KIAA1671: variants seen among roughly 807,000 people sequenced by gnomAD.
KIAA1671 encodes uncharacterized protein KIAA1671.
Under a neutral mutation model 131.2 loss-of-function variants are expected in KIAA1671, and 52 were observed. That is an observed-to-expected ratio of 0.40 (90% confidence interval 0.32 to 0.50). The LOEUF (loss-of-function observed/expected upper bound fraction) is 0.50, where lower values mean the gene tolerates loss of function less well. KIAA1671 is among the 20% of genes least tolerant of loss of function. The pLI is 0.73. For missense variants in KIAA1671, 2,360 were observed against 2,364.2 expected, an observed-to-expected ratio of 1.00 and a Z score of 0.04; for synonymous variants, 1,003 against 961.6, an observed-to-expected ratio of 1.04 and a Z score of -0.80.
At chr22:24,972,423 T>G (rs1297121499) in intron 1 of KIAA1671, among the ~76,000 whole-genome samples, 1 of 152,158 alleles carries the variant, frequency 6.6e-6, no homozygotes, top group Non-Finnish European at 1.5e-5. Flanking sequence ...TTTGTATTCA[T>G]CCATCCACCT....
chr22:24,995,379 G>A lies in KIAA1671; in HGVS notation c.-207-30254G>A, dbSNP rs118185005. The stretch of plus-strand genomic sequence containing the variant: ...GGTTTTTTTTTTTTTTCTTGGCAGG[G>A]GCAGGGTCTCACTCTCGCCCAGGCT... On this transcript the variant is annotated intron_variant, in intron 1 of 12. Coordinates refer to ENST00000358431, the MANE Select transcript of KIAA1671 (RefSeq NM_001145206.2). Among the ~76,000 whole-genome samples the A allele has an allele frequency of 2.1e-3, 295 of 138,510 alleles. 3 individuals are homozygous for A. In the East Asian group the frequency reaches 0.056, roughly 26 times the overall value. The allele number at this position is 138,510 out of a possible 152,430, so 90.9% of individuals were successfully genotyped here.
intron 2 of KIAA1671, among the ~76,000 whole-genome samples, chr22:25,027,421 C>T (rs1364725682): frequency 1.3e-5 from 2 of 152,306 alleles, no homozygotes; most frequent in Middle Eastern, 3.4e-3. Flanking sequence ...TGATTAGGAT[C>T]ACCTGGGATG....
intron 1 of KIAA1671, among the ~76,000 whole-genome samples, chr22:24,955,555 G>T (rs1364795070): frequency 6.6e-6 from 1 of 152,210 alleles, no homozygotes; most frequent in Non-Finnish European, 1.5e-5. Context: ...ATGCTTAGTG[G>T]TTTGGACTTT....
At chr22:25,042,733 A>G (rs1602092679) in intron 5 of KIAA1671, among the ~76,000 whole-genome samples, 1 of 151,744 alleles carries the variant, frequency 6.6e-6, no homozygotes, top group South Asian at 2.1e-4. Flanking sequence ...TTGACCTCCC[A>G]AAGTGCTGGG....
chr22:25,166,365 G>A (rs1479607092), intron 6 of KIAA1671, among the ~76,000 whole-genome samples: 2 of 152,150 alleles, frequency 1.3e-5, no homozygotes, highest in African/African-American at 4.8e-5. Flanking sequence ...CACACAGATG[G>A]TTGTATAAAG....
intron 10 of KIAA1671, among the ~76,000 whole-genome samples, chr22:25,182,716 C>T (rs940867273): frequency 6.6e-6 from 1 of 152,198 alleles, no homozygotes; most frequent in Non-Finnish European, 1.5e-5. Flanking sequence ...ATAGCTAAGC[C>T]TTGGTTTGCT....
At chr22:25,188,894 A>G (rs895663478) in intron 11 of KIAA1671, among the ~76,000 whole-genome samples, 2 of 152,176 alleles carry the variant, frequency 1.3e-5, no homozygotes, top group African/African-American at 2.4e-5. Context: ...GGACCCACAC[A>G]GTTCAAACTG....
chr22:24,998,216 C>T (rs962170563), intron 1 of KIAA1671, among the ~76,000 whole-genome samples: 1 of 152,010 alleles, frequency 6.6e-6, no homozygotes, highest in Non-Finnish European at 1.5e-5. Context: ...GCCTGAGCAA[C>T]ATGGTGAAAC....
intron 5 of KIAA1671, among the ~76,000 whole-genome samples, chr22:25,044,536 G>T (rs1458329532): frequency 6.6e-6 from 1 of 152,116 alleles, no homozygotes; most frequent in Non-Finnish European, 1.5e-5. Context: ...AGTGCTGGTT[G>T]TCAGGGGATC....
At chr22:25,165,430 G>A (rs1482674113) in intron 6 of KIAA1671, among the ~76,000 whole-genome samples, 2 of 152,106 alleles carry the variant, frequency 1.3e-5, no homozygotes, top group African/African-American at 4.8e-5. Context: ...CTGAGAAACT[G>A]GTAAATGATA....
At chr22:25,019,996 A>G (rs1455095470) in intron 1 of KIAA1671, among the ~76,000 whole-genome samples, 1 of 152,204 alleles carries the variant, frequency 6.6e-6, no homozygotes, top group Non-Finnish European at 1.5e-5. Context: ...GTTTGGTTAG[A>G]TAACACTGCA....
intron 6 of KIAA1671, among the ~76,000 whole-genome samples, chr22:25,162,036 C>T (rs564911879): frequency 3.0e-4 from 45 of 152,314 alleles, no homozygotes; most frequent in African/African-American, 1.1e-3. Flanking sequence ...CCACCCCTTC[C>T]AAACCATGTG....
chr22:25,084,560 TG>T lies in KIAA1671; in HGVS notation c.4530+35197del, dbSNP rs140347978. On this transcript the variant is annotated intron_variant, in intron 6 of 12. Transcript: ENST00000358431. Reference sequence around the variant, plus strand: ...CAGGGTGTGCAGGGCAGGGACCTGTTGAAGAAATGCCTCCAGGCCAGTTATC... The same window carrying T: ...CAGGGTGTGCAGGGCAGGGACCTGTTAAGAAATGCCTCCAGGCCAGTTATC... 2.6e-3 allele frequency among the ~76,000 whole-genome samples: 398 copies of T among 152,188 alleles called. 1 individual carries two copies. The highest frequency in any genetic ancestry group is 8.9e-3 in the African/African-American group (368 of 41,518).
intron 1 of KIAA1671, among the ~76,000 whole-genome samples, chr22:24,962,016 G>A (rs958430712): frequency 6.6e-6 from 1 of 152,198 alleles, no homozygotes; most frequent in Non-Finnish European, 1.5e-5. Context: ...CTTCTCTGGC[G>A]AGCTGCTGGG....
rs570934281 is a variant in KIAA1671, at chr22:25,194,573, AAC to A, written c.*2177_*2178del. 58 of 152,358 alleles carry A rather than the reference AAC, an allele frequency of 3.8e-4. No individual in the cohort carries two copies. The highest frequency in any genetic ancestry group is 1.4e-3 in the African/African-American group (57 of 41,590). 9.4% of individuals were successfully genotyped at this position (152,358 alleles called of 1,614,324 possible). On this transcript the variant is annotated 3_prime_UTR_variant, in exon 13 of 13. Coordinates refer to ENST00000358431, the MANE Select transcript of KIAA1671 (RefSeq NM_001145206.2). ...GCTCAAGGATATCAGACAGGAATGA[AAC>A]ACACTTGAAAATGAGATTGACCTGG...
chr22:25,136,512 T>G (rs916775866), intron 6 of KIAA1671, among the ~76,000 whole-genome samples: 23 of 152,206 alleles, frequency 1.5e-4, no homozygotes, highest in African/African-American at 5.3e-4. Flanking sequence ...CCCTAAACCG[T>G]GAGTCAGGAA....
intron 1 of KIAA1671, among the ~76,000 whole-genome samples, chr22:24,988,677 T>C (rs1234741412): frequency 7.0e-6 from 1 of 143,786 alleles, no homozygotes; most frequent in African/African-American, 2.6e-5. Context: ...TGAAGATTGC[T>C]ATGAGACAAG....
intron 6 of KIAA1671, among the ~76,000 whole-genome samples, chr22:25,093,745 T>A (rs1601305089): frequency 2.9e-4 from 35 of 121,710 alleles, no homozygotes; most frequent in East Asian, 7.4e-4. Flanking sequence ...ACACTCTCTC[T>A]CTCTCTCTCT....
intron 6 of KIAA1671, among the ~76,000 whole-genome samples, chr22:25,151,692 G>A (rs1175592419): frequency 3.3e-5 from 5 of 151,762 alleles, no homozygotes; most frequent in Non-Finnish European, 5.9e-5. Context: ...TGGCCTCCCC[G>A]GCCTCCCAAA....
Sources: gnomAD v4.1 joint callset for allele counts (sites outside exome capture counted in the v4.1 genomes callset) on GRCh38, gnomAD v4.1.1 for gene constraint, MANE v1.5 for transcripts, NCBI Gene and HGNC (gene_info 2026-07-23, HGNC 2026-07-21) for gene names.